The following FLNB variants were observed in gnomAD, a reference collection of about 807,000 sequenced individuals.
FLNB encodes filamin-B.
FLNB carries 111 observed loss-of-function variants against 250.6 expected under a neutral mutation model. The ratio of observed to expected loss-of-function variants is 0.44; its 90% confidence interval spans 0.38 to 0.52. The LOEUF is 0.52. Ranked by LOEUF, FLNB falls within the 20% of genes least tolerant of loss-of-function variation. The pLI is 0.00. For missense variants in FLNB, 2,869 were observed against 3,447.8 expected (o/e 0.83, Z 4.20); for synonymous variants, 1,302 against 1,372.1 (o/e 0.95, Z 1.13).
chr3:58,045,188 G>A lies in FLNB; in HGVS notation c.293-31858G>A, dbSNP rs192891418. 1.6e-3 allele frequency among the ~76,000 whole-genome samples: 251 copies of A among 152,312 alleles called. 1 individual carries two copies. Among genetic ancestry groups the A allele is most frequent in the African/African-American group, 5.4e-3 (226 of 41,562 alleles). ...TCCAGCATTAACACTTGGGGGTGGA[G>A]TTGGGGAATCATAGTATTACTTGCA... On this transcript the variant is annotated intron_variant, in intron 1 of 45. Transcript: ENST00000295956.
chr3:58,052,307 T>G (rs2097163677), intron 1 of FLNB, among the ~76,000 whole-genome samples: 1 of 152,212 alleles, frequency 6.6e-6, no homozygotes, highest in South Asian at 2.1e-4. Flanking sequence ...TACCACCATA[T>G]GAGGGGACAA....
chr3:58,101,371 A>G (rs889240540), intron 8 of FLNB, among the ~76,000 whole-genome samples: 6 of 152,272 alleles, frequency 3.9e-5, no homozygotes, highest in Admixed American at 2.6e-4. Flanking sequence ...TCCCGTTTCT[A>G]TTTACTGAAA....
chr3:58,094,603 C>T (rs758494727), intron 4 of FLNB, among the ~76,000 whole-genome samples: 1 of 152,210 alleles, frequency 6.6e-6, no homozygotes, highest in Non-Finnish European at 1.5e-5. Context: ...TTTATATAGA[C>T]TCCTGACTGA....
chr3:58,091,772 C>T (rs2097227972), intron 4 of FLNB, among the ~76,000 whole-genome samples: 3 of 152,156 alleles, frequency 2.0e-5, no homozygotes, highest in African/African-American at 2.4e-5. Context: ...AGGGTGCACT[C>T]CTGGGTCACC....
At chr3:58,143,847 T>C (rs918585260) in intron 32 of FLNB, among the ~76,000 whole-genome samples, 1 of 152,108 alleles carries the variant, frequency 6.6e-6, no homozygotes, top group Non-Finnish European at 1.5e-5. Context: ...GGGTCTGTGG[T>C]TGTTTATCTT....
At chr3:58,035,521 A>G (rs922529126) in intron 1 of FLNB, among the ~76,000 whole-genome samples, 1 of 152,178 alleles carries the variant, frequency 6.6e-6, no homozygotes, top group Non-Finnish European at 1.5e-5. Context: ...TTTAAGAGGA[A>G]GAGTTGAAAG....
intron 4 of FLNB, among the ~76,000 whole-genome samples, chr3:58,087,108 T>C (rs1457627455): frequency 1.3e-5 from 2 of 151,360 alleles, no homozygotes; most frequent in Non-Finnish European, 2.9e-5. Flanking sequence ...AGACTCTGTC[T>C]CAAACAAACA....
intron 1 of FLNB, among the ~76,000 whole-genome samples, chr3:58,011,533 C>G (rs936387016): frequency 6.6e-6 from 1 of 152,162 alleles, no homozygotes; most frequent in Non-Finnish European, 1.5e-5. Context: ...TGGCAAGTGC[C>G]AGGACTGCTG....
chr3:58,100,385 T>TATATATATATATATATA (rs71091344), intron 8 of FLNB, among the ~76,000 whole-genome samples: 9 of 128,118 alleles, frequency 7.0e-5, no homozygotes, highest in Non-Finnish European at 1.1e-4. Flanking sequence ...TATATATATA[T>TATATATATATATATATA]TTGCAGGGGC....
At chr3:58,070,181 G>T (rs1240426967) in intron 1 of FLNB, among the ~76,000 whole-genome samples, 1 of 151,648 alleles carries the variant, frequency 6.6e-6, no homozygotes, top group Non-Finnish European at 1.5e-5. Flanking sequence ...CCAAGTAGCT[G>T]GGATTACAGG....
In FLNB at chr3:58,146,993, G is replaced by C; in HGVS notation, c.5728G>C (p.Asp1910His). Reference sequence around the variant, plus strand: ...CAGCCCCTTCACAGCCAAGATCACAGGTAGGGTTGTCTGGCTTCTGGGGTC... The same window carrying C: ...CAGCCCCTTCACAGCCAAGATCACACGTAGGGTTGTCTGGCTTCTGGGGTC... ...PGSPFTAKIT[D>H]DSRRCSQVKL... Residue 1910 changes from aspartate to histidine, a missense_variant and splice_region_variant, in exon 34 of 46, where the codon GAT (aspartate) becomes CAT (histidine). Transcript: ENST00000295956. The C allele has an allele frequency of 6.2e-7, 1 of 1,613,820 alleles. No individual in the cohort carries two copies. The highest frequency in any genetic ancestry group is 8.5e-7 in the Non-Finnish European group (1 of 1,180,006).
intron 40 of FLNB, 37 bp from the exon 41 acceptor site, chr3:58,155,923 G>C: frequency 6.9e-7 from 1 of 1,445,852 alleles, no homozygotes; most frequent in Non-Finnish European, 9.7e-7. Flanking sequence ...TCTGGGTCCA[G>C]AGTCTCTGAA....
chr3:58,064,165 A>C lies in FLNB; in HGVS notation c.293-12881A>C, dbSNP rs1300314821. On this transcript the variant is annotated intron_variant, in intron 1 of 45. Coordinates refer to ENST00000295956, the MANE Select transcript of FLNB (RefSeq NM_001457.4). ...AATATGTGTATATTTTTTGAGACGA[A>C]GTTTCACTCTTGTCACCTAGGCTGG... is the stretch of plus-strand genomic sequence containing the variant. 2.6e-5 allele frequency among the ~76,000 whole-genome samples: 4 copies of C among 152,144 alleles called. No individual in the cohort carries two copies. In the East Asian group the frequency reaches 7.7e-4, roughly 29 times the overall value.
intron 8 of FLNB, among the ~76,000 whole-genome samples, chr3:58,101,733 C>T (rs1482856609): frequency 6.6e-6 from 1 of 152,170 alleles, no homozygotes; most frequent in African/African-American, 2.4e-5. Flanking sequence ...AAGACAACAA[C>T]ATTTAGACAC....
chr3:58,143,359 C>T (rs1234302862), intron 31 of FLNB, 114 bp from the exon 32 acceptor site: 10 of 1,089,720 alleles, frequency 9.2e-6, no homozygotes, highest in South Asian at 2.6e-5. Context: ...TAGGCAGCAA[C>T]GAATGTTCTT....
rs1193820430 is a variant in FLNB, at chr3:58,142,924, A to G, written c.5284+172A>G. On this transcript the variant is annotated intron_variant, in intron 31 of 45. Transcript: ENST00000295956. The surrounding 1 kb of genome is among the most constrained non-coding windows in gnomAD (Gnocchi z 4.3). ...GGCTCCTGAAACTACAGAATATGCC[A>G]CGTGTGTGTTTCTCTGAAGAAGTGG... Among the ~76,000 whole-genome samples, 1 of 152,198 alleles carries G rather than the reference A, an allele frequency of 6.6e-6. No homozygotes were observed. The highest frequency in any genetic ancestry group is 2.4e-5 in the African/African-American group (1 of 41,456).
chr3:58,037,871 A>T (rs961529783), intron 1 of FLNB, among the ~76,000 whole-genome samples: 1 of 152,250 alleles, frequency 6.6e-6, no homozygotes, highest in Non-Finnish European at 1.5e-5. Context: ...CTTGCCAGAA[A>T]GAACAGGTAA....
At chr3:58,122,280 G>T (rs1002038348) in intron 20 of FLNB, among the ~76,000 whole-genome samples, 1 of 151,922 alleles carries the variant, frequency 6.6e-6, no homozygotes, top group Non-Finnish European at 1.5e-5. Flanking sequence ...ATAACTTGAG[G>T]TCAGGAGTTT....
intron 1 of FLNB, among the ~76,000 whole-genome samples, chr3:58,042,799 C>A (rs867023504): frequency 1.3e-5 from 2 of 152,146 alleles, no homozygotes; most frequent in African/African-American, 4.8e-5. Flanking sequence ...GTTCGTTGCG[C>A]CTGGGCTAGT....
Sources: allele counts gnomAD v4.1 joint callset (sites outside exome capture counted in the v4.1 genomes callset), GRCh38; gene constraint gnomAD v4.1.1; non-coding constraint Gnocchi (gnomAD v3.1); transcripts MANE v1.5; gene names NCBI Gene and HGNC (gene_info 2026-07-23, HGNC 2026-07-21).